The following GALNT18 variants were observed in gnomAD, a reference collection of about 807,000 sequenced individuals.
The protein encoded by GALNT18 is GalNAc-transferase 18.
In GALNT18, 44 loss-of-function variants were observed where a neutral mutation model predicts 69.5. That is an observed-to-expected ratio of 0.63 (90% confidence interval 0.50 to 0.81). The LOEUF is 0.81. Among genes scored for constraint, GALNT18 ranks in the 40% least tolerant of loss-of-function variants. The probability of loss-of-function intolerance (pLI) is 0.00; values close to 1 mark genes in which losing one functional copy is unlikely to be tolerated. For synonymous variants in GALNT18, 364 were observed against 318.2 expected, an observed-to-expected ratio of 1.14 and a Z score of -1.53; for missense variants, 715 against 810.0, an observed-to-expected ratio of 0.88 and a Z score of 1.42.
intron 6 of GALNT18, among the ~76,000 whole-genome samples, chr11:11,349,935 G>GA (rs900378377): frequency 2.7e-4 from 39 of 143,442 alleles, no homozygotes; most frequent in African/African-American, 7.5e-4. Flanking sequence ...TTGCTGCTTG[G>GA]AAAAAAAAAT....
chr11:11,432,483 C>T lies in GALNT18; in HGVS notation c.595+138G>A, dbSNP rs1855289168. ...AGTGAACCTTCTGAAGCAGTGGCCACCATGAATTTCTCATCTATGCTCCAG... is the reference window on the plus strand; with the variant it reads ...AGTGAACCTTCTGAAGCAGTGGCCATCATGAATTTCTCATCTATGCTCCAG... On this transcript the variant is annotated intron_variant, in intron 3 of 10. Coordinates refer to ENST00000227756, the MANE Select transcript of GALNT18 (RefSeq NM_198516.3). The surrounding 1 kb of genome is among the most constrained non-coding windows in gnomAD (Gnocchi z 5.8). 1.2e-6 allele frequency: 1 copy of T among 852,530 alleles called. No homozygotes were observed. The highest frequency in any genetic ancestry group is 1.8e-6 in the Non-Finnish European group (1 of 561,294). 52.8% of individuals were successfully genotyped at this position (852,530 alleles called of 1,614,324 possible).
intron 1 of GALNT18, among the ~76,000 whole-genome samples, chr11:11,611,979 G>C (rs1438298817): frequency 1.3e-5 from 2 of 152,236 alleles, no homozygotes; most frequent in East Asian, 3.9e-4. Flanking sequence ...TTTGACCTGA[G>C]GCCTCTGAGC....
rs1459670326 is a variant in GALNT18 at position 11,582,631 on chromosome 11, C to T, written c.235+38728G>A. ...GGATTGTAGATATCGTGTGAAGCAG[C>T]GCAGACTTTCAGTATGCAGTAGAAA... On this transcript the variant is annotated intron_variant, in intron 1 of 10. Transcript: ENST00000227756. This position sits in a 1 kb window ranked among gnomAD's most constrained non-coding sequence, Gnocchi z 5.0. Among the ~76,000 whole-genome samples, 2 of 152,204 alleles carry T rather than the reference C, an allele frequency of 1.3e-5. No homozygotes were observed. The highest frequency in any genetic ancestry group is 2.4e-5 in the African/African-American group (1 of 41,444).
In GALNT18 at chr11:11,463,237, G is replaced by C. The variant is rs1302800766; in HGVS notation, c.236-14301C>G. On this transcript the variant is annotated intron_variant, in intron 1 of 10. Transcript: ENST00000227756. The surrounding 1 kb of genome is among the most constrained non-coding windows in gnomAD (Gnocchi z 4.2). ...ACACACACACACACAGAGAGAGAGA[G>C]AGAGAGTTCCAGAAGCCCGCAGCAG... Among the ~76,000 whole-genome samples the C allele has an allele frequency of 1.3e-5, 2 of 152,136 alleles. No homozygotes were observed. Among genetic ancestry groups the C allele is most frequent in the African/African-American group, 2.4e-5 (1 of 41,432 alleles).
chr11:11,512,556 CACAT>C (rs1259467577), intron 1 of GALNT18, among the ~76,000 whole-genome samples: 1 of 152,218 alleles, frequency 6.6e-6, no homozygotes, highest in Non-Finnish European at 1.5e-5. Context: ...CAGGTACACA[CACAT>C]AGTTTCTTTC....
At position 11,573,287 on chromosome 11, in the gene GALNT18, G is replaced by A. The variant is rs527919031; in HGVS notation, c.235+48072C>T. 7.9e-5 allele frequency among the ~76,000 whole-genome samples: 12 copies of A among 152,316 alleles called. No individual in the cohort carries two copies. The highest frequency in any genetic ancestry group is 3.9e-4 in the Admixed American group (6 of 15,300). Reference sequence around the variant, plus strand: ...ACTGAAGATGGAGCTCTCTGTCCCCGGGTGGGGCCGCAGCATCACAGTGCC... The same window carrying A: ...ACTGAAGATGGAGCTCTCTGTCCCCAGGTGGGGCCGCAGCATCACAGTGCC... On this transcript the variant is annotated intron_variant, in intron 1 of 10. Coordinates refer to ENST00000227756, the MANE Select transcript of GALNT18 (RefSeq NM_198516.3). The surrounding 1 kb of genome is among the most constrained non-coding windows in gnomAD (Gnocchi z 4.6).
At chr11:11,381,412 C>T (rs909524873) in intron 3 of GALNT18, among the ~76,000 whole-genome samples, 4 of 152,188 alleles carry the variant, frequency 2.6e-5, no homozygotes, top group African/African-American at 9.7e-5. Context: ...TTCTCTCCCT[C>T]CTCAACCCTC....
In GALNT18 at chr11:11,382,499, A is replaced by G. The variant is rs1186700889; in HGVS notation, c.596-3235T>C. ...ACACACATACCTGTTCACATATAATATCTCTCAGAACTTCTTAGCTCCAAA... is the reference window on the plus strand; with the variant it reads ...ACACACATACCTGTTCACATATAATGTCTCTCAGAACTTCTTAGCTCCAAA... On this transcript the variant is annotated intron_variant, in intron 3 of 10. Coordinates refer to ENST00000227756, the MANE Select transcript of GALNT18 (RefSeq NM_198516.3). This position sits in a 1 kb window ranked among gnomAD's most constrained non-coding sequence, Gnocchi z 4.3. Among the ~76,000 whole-genome samples the G allele has an allele frequency of 6.6e-6, 1 of 152,180 alleles. No individual in the cohort carries two copies. Among genetic ancestry groups the G allele is most frequent in the African/African-American group, 2.4e-5 (1 of 41,438 alleles).
intron 6 of GALNT18, among the ~76,000 whole-genome samples, chr11:11,370,511 TTC>T (rs1244408494): frequency 6.6e-6 from 1 of 152,090 alleles, no homozygotes; most frequent in Non-Finnish European, 1.5e-5. Context: ...AGCTTGTTGG[TTC>T]TCTGTTTTAA....
chr11:11,594,848 T>C (rs7927003), intron 1 of GALNT18, among the ~76,000 whole-genome samples: 20,323 of 113,530 alleles, frequency 0.18, 1,814 homozygotes, highest in East Asian at 0.3. Flanking sequence ...TATACACATA[T>C]ACATACATAC....
At chr11:11,483,919 G>A (rs2133873706) in intron 1 of GALNT18, among the ~76,000 whole-genome samples, 1 of 152,272 alleles carries the variant, frequency 6.6e-6, no homozygotes, top group African/African-American at 2.4e-5. Context: ...GAGAAGCCGT[G>A]AGCTGTGTGT....
At chr11:11,292,243 C>G (rs993878330) in intron 10 of GALNT18, among the ~76,000 whole-genome samples, 2 of 152,140 alleles carry the variant, frequency 1.3e-5, no homozygotes, top group Admixed American at 1.3e-4. Context: ...GGCAGGCATC[C>G]CTATCTGTGG....
chr11:11,406,981 G>T (rs1480408200), intron 3 of GALNT18, among the ~76,000 whole-genome samples: 1 of 152,198 alleles, frequency 6.6e-6, no homozygotes, highest in Non-Finnish European at 1.5e-5. Context: ...CTCGGGGCCA[G>T]GTTGGACCAG....
rs148289971 is a variant in GALNT18 at position 11,484,921 on chromosome 11, G to A, written c.236-35985C>T. Among the ~76,000 whole-genome samples, 104 of 152,330 alleles carry A rather than the reference G, an allele frequency of 6.8e-4. 1 individual carries two copies. In the East Asian group the frequency reaches 0.01, roughly 15 times the overall value. On this transcript the variant is annotated intron_variant, in intron 1 of 10. Coordinates refer to ENST00000227756, the MANE Select transcript of GALNT18 (RefSeq NM_198516.3). Reference sequence around the variant, plus strand: ...TGGGAGCAGCCAGGGCCAGGCAGCCGCGACATGAGCTTCAGCATCTGCCAT... The same window carrying A: ...TGGGAGCAGCCAGGGCCAGGCAGCCACGACATGAGCTTCAGCATCTGCCAT...
chr11:11,608,661 G>A (rs1032710800), intron 1 of GALNT18, among the ~76,000 whole-genome samples: 9 of 152,024 alleles, frequency 5.9e-5, no homozygotes, highest in African/African-American at 1.9e-4. Context: ...GCACCTGGCC[G>A]ATTGTCTTCA....
chr11:11,514,728 G>A (rs974781733), intron 1 of GALNT18, among the ~76,000 whole-genome samples: 3 of 152,164 alleles, frequency 2.0e-5, no homozygotes, highest in Non-Finnish European at 4.4e-5. Context: ...GGGACTGGAG[G>A]TTACAGAAGA....
At chr11:11,535,140 C>T (rs1262069620) in intron 1 of GALNT18, among the ~76,000 whole-genome samples, 1 of 152,210 alleles carries the variant, frequency 6.6e-6, no homozygotes, top group Non-Finnish European at 1.5e-5. Context: ...GCTCTCAGCC[C>T]ACAGTGCAGT....
At chr11:11,296,373 T>C (rs1217538455) in intron 9 of GALNT18, among the ~76,000 whole-genome samples, 1 of 152,184 alleles carries the variant, frequency 6.6e-6, no homozygotes, top group African/African-American at 2.4e-5. Context: ...CACCTGGGCC[T>C]CTCACCAAAA....
At position 11,620,801 on chromosome 11, in the gene GALNT18, A is replaced by G. The variant is rs74330421; in HGVS notation, c.235+558T>C. Reference sequence around the variant, plus strand: ...CCACAGAGGGCTCCTTGCATTCCCTATCGCCTACCAACGGGATCACAGCAA... The same window carrying G: ...CCACAGAGGGCTCCTTGCATTCCCTGTCGCCTACCAACGGGATCACAGCAA... On this transcript the variant is annotated intron_variant, in intron 1 of 10. Coordinates refer to ENST00000227756, the MANE Select transcript of GALNT18 (RefSeq NM_198516.3). This position sits in a 1 kb window ranked among gnomAD's most constrained non-coding sequence, Gnocchi z 6.9. Among the ~76,000 whole-genome samples, 1,077 of 152,238 alleles carry G rather than the reference A, an allele frequency of 7.1e-3. 13 individuals carry two copies. The highest frequency in any genetic ancestry group is 0.025 in the African/African-American group (1,032 of 41,538).
Sources: gnomAD v4.1 joint callset for allele counts (sites outside exome capture counted in the v4.1 genomes callset) on GRCh38, gnomAD v4.1.1 for gene constraint, Gnocchi (gnomAD v3.1) non-coding constraint, MANE v1.5 for transcripts, NCBI Gene and HGNC (gene_info 2026-07-23, HGNC 2026-07-21) for gene names.